Variants in HSDL2 observed in about 807,000 individuals in gnomAD.
HSDL2 encodes the protein hydroxysteroid dehydrogenase like 2.
In HSDL2, 27 loss-of-function variants were observed where a neutral mutation model predicts 46.3. The observed-to-expected ratio is 0.58, with a 90% CI of 0.43 to 0.80. The LOEUF is 0.80. Ranked by LOEUF, HSDL2 falls within the 30% of genes least tolerant of loss-of-function variation. The pLI is 0.00. For missense variants in HSDL2, 451 were observed against 502.7 expected, an observed-to-expected ratio of 0.90 and a Z score of 0.98; for synonymous variants, 153 against 163.6, an observed-to-expected ratio of 0.94 and a Z score of 0.50.
At chr9:112,449,662 A>C (rs1587961793) in intron 8 of HSDL2, among the ~76,000 whole-genome samples, 1 of 151,982 alleles carries the variant, frequency 6.6e-6, no homozygotes, top group Admixed American at 6.6e-5. Flanking sequence ...TCCGGTGTTC[A>C]AGACCAGCCT....
At chr9:112,385,524 C>G (rs1467787844) in intron 1 of HSDL2, among the ~76,000 whole-genome samples, 1 of 150,286 alleles carries the variant, frequency 6.7e-6, no homozygotes, top group African/African-American at 2.5e-5. Context: ...GAATCTTGCA[C>G]TGTCGCCCAG....
intron 6 of HSDL2, among the ~76,000 whole-genome samples, chr9:112,431,302 T>C (rs1043022051): frequency 6.6e-6 from 1 of 151,828 alleles, no homozygotes; most frequent in Non-Finnish European, 1.5e-5. Flanking sequence ...TATCAGCATA[T>C]AGAACATATA....
At chr9:112,398,168 A>T (rs1831503149) in intron 1 of HSDL2, among the ~76,000 whole-genome samples, 1 of 152,062 alleles carries the variant, frequency 6.6e-6, no homozygotes, top group South Asian at 2.1e-4. Flanking sequence ...TATTGGCTCA[A>T]TCCTGTGCAA....
chr9:112,444,936 G>A (rs1299790480), intron 8 of HSDL2, among the ~76,000 whole-genome samples: 2 of 149,600 alleles, frequency 1.3e-5, no homozygotes, highest in African/African-American at 4.9e-5. Flanking sequence ...GGAGTGCAGT[G>A]GCTCGATCAT....
Position 112,471,260 on chromosome 9 carries a change from G to A in HSDL2, c.*716G>A, listed in dbSNP as rs555036113. ...AACCTTAGAATAGGTCATTGGTATG[G>A]GCTGAACTGTGTATCCCCCAATTCA... On this transcript the variant is annotated 3_prime_UTR_variant, in exon 11 of 11. Coordinates refer to ENST00000398805, the MANE Select transcript of HSDL2 (RefSeq NM_032303.5). 3 of 152,284 alleles carry A rather than the reference G, an allele frequency of 2.0e-5. No homozygotes were observed. The highest frequency in any genetic ancestry group is 7.2e-5 in the African/African-American group (3 of 41,534). 9.4% of individuals were successfully genotyped at this position (152,284 alleles called of 1,614,324 possible).
chr9:112,434,994 A>G (rs996713472), intron 6 of HSDL2, among the ~76,000 whole-genome samples: 1 of 152,142 alleles, frequency 6.6e-6, no homozygotes, highest in African/African-American at 2.4e-5. Context: ...TTTCTTTCCC[A>G]GAAATCATCA....
At chr9:112,381,305 A>T (rs1410144114) in intron 1 of HSDL2, among the ~76,000 whole-genome samples, 1 of 152,164 alleles carries the variant, frequency 6.6e-6, no homozygotes, top group African/African-American at 2.4e-5. Flanking sequence ...TTAGGATTAC[A>T]GGCATGCACC....
chr9:112,417,984 C>T (rs1323483522), intron 5 of HSDL2, among the ~76,000 whole-genome samples: 1 of 151,942 alleles, frequency 6.6e-6, no homozygotes, highest in African/African-American at 2.4e-5. Context: ...GGATGAGGCA[C>T]AAGAATCACT....
chr9:112,391,315 AAAATT>A (rs896655098), intron 1 of HSDL2, among the ~76,000 whole-genome samples: 1 of 151,944 alleles, frequency 6.6e-6, no homozygotes, highest in Non-Finnish European at 1.5e-5. Context: ...AAAAAATAAA[AAAATT>A]AAATTAACCA....
At chr9:112,417,495 A>C (rs977158868) in intron 5 of HSDL2, among the ~76,000 whole-genome samples, 15 of 145,420 alleles carry the variant, frequency 1.0e-4, no homozygotes, top group Non-Finnish European at 2.1e-4. Flanking sequence ...AAAAAAAAAA[A>C]CGACAAAAAA....
intron 9 of HSDL2, among the ~76,000 whole-genome samples, chr9:112,457,537 T>C (rs1319890610): frequency 6.6e-6 from 1 of 152,084 alleles, no homozygotes; most frequent in Non-Finnish European, 1.5e-5. Flanking sequence ...CCCAGCTACT[T>C]GGGAGGCTGA....
At chr9:112,470,362 G>T in intron 10 of HSDL2, 70 bp from the exon 11 acceptor site, 1 of 857,300 alleles carries the variant, frequency 1.2e-6, no homozygotes, top group Non-Finnish European at 1.9e-6. Flanking sequence ...TTTACAATGC[G>T]TGTTCTTAAA....
intron 9 of HSDL2, among the ~76,000 whole-genome samples, chr9:112,458,413 C>G (rs912259145): frequency 6.6e-6 from 1 of 151,332 alleles, no homozygotes; most frequent in African/African-American, 2.4e-5. Context: ...GCAACCTCTG[C>G]CCCCAAGGTT....
At chr9:112,459,047 A>G (rs1285706209) in intron 9 of HSDL2, among the ~76,000 whole-genome samples, 6 of 152,102 alleles carry the variant, frequency 3.9e-5, no homozygotes, top group Non-Finnish European at 7.4e-5. Context: ...AATCATCACC[A>G]TCTATCTCCA....
chr9:112,430,798 T>G (rs1420024310), intron 6 of HSDL2, among the ~76,000 whole-genome samples: 1 of 152,030 alleles, frequency 6.6e-6, no homozygotes, highest in African/African-American at 2.4e-5. Flanking sequence ...GCATCTGTAA[T>G]CCCAGCACTT....
At position 112,472,367 on chromosome 9, in the gene HSDL2, CA is replaced by C; in HGVS notation, c.*1824del. On this transcript the variant is annotated 3_prime_UTR_variant, in exon 11 of 11. Transcript: ENST00000398805. ...TTTATTTTGTAGGCTGGATGCTACC[CA>C]GTTCATGAATCGCTAATAAAAGCCA... The C allele has an allele frequency of 6.6e-6, 1 of 152,312 alleles. No homozygotes were observed. Among genetic ancestry groups the C allele is most frequent in the South Asian group, 2.1e-4 (1 of 4,822 alleles). 9.4% of individuals were successfully genotyped at this position (152,312 alleles called of 1,614,324 possible).
In HSDL2 at chr9:112,405,639, G is replaced by C; in HGVS notation, c.197G>C (p.Gly66Ala). 6.2e-7 allele frequency: 1 copy of C among 1,611,074 alleles called. No homozygotes were observed. The highest frequency in any genetic ancestry group is 8.5e-7 in the Non-Finnish European group (1 of 1,177,890). Residue 66 changes from glycine to alanine, a missense_variant, in exon 3 of 11, where the codon GGA becomes GCA. Physicochemically the swap from Gly to Ala is moderately conservative, Grantham distance 60 (BLOSUM62 0). Transcript: ENST00000398805. ...TTTATATAAGTTGAAGCAGTTGGAG[G>C]AAAGGCCTTGCCATGTATTGTTGAT... is the stretch of plus-strand genomic sequence containing the variant. Reference protein sequence around the residue: ...TAAEEIEAVGGKALPCIVDVR... With the variant: ...TAAEEIEAVGAKALPCIVDVR...
Position 112,401,023 on chromosome 9 carries a change from A to ATTGGTGAGTTGTCTGTGTATTGTCCGGGG in HSDL2, c.18-2971_18-2970insTGGTGAGTTGTCTGTGTATTGTCCGGGGT, listed in dbSNP as rs1831578969. Among the ~76,000 whole-genome samples the ATTGGTGAGTTGTCTGTGTATTGTCCGGGG allele has an allele frequency of 2.0e-5, 3 of 152,144 alleles. No individual in the cohort carries two copies. The South Asian group carries it at 6.2e-4, about 31-fold the overall frequency. Reference sequence around the variant, plus strand: ...CTTTTTGGGGGACACAATTCAATCAATAACAGGGAGATAAGGCCGGGGTTA... The same window carrying ATTGGTGAGTTGTCTGTGTATTGTCCGGGG: ...CTTTTTGGGGGACACAATTCAATCAATTGGTGAGTTGTCTGTGTATTGTCCGGGGTAACAGGGAGATAAGGCCGGGGTTA... On this transcript the variant is annotated intron_variant, in intron 1 of 10. Transcript: ENST00000398805.
intron 1 of HSDL2, among the ~76,000 whole-genome samples, chr9:112,402,948 G>GAA (rs201258984): frequency 1.1e-4 from 16 of 144,926 alleles, no homozygotes; most frequent in African/African-American, 1.5e-4. Context: ...TGTCTCAAAA[G>GAA]AAAAAAAAAC....
Sources: gnomAD v4.1 joint callset for allele counts (sites outside exome capture counted in the v4.1 genomes callset) on GRCh38, gnomAD v4.1.1 for gene constraint, MANE v1.5 for transcripts, NCBI Gene and HGNC (gene_info 2026-07-23, HGNC 2026-07-21) for gene names.